Variants in TBCD observed in about 807,000 individuals in gnomAD.
The protein encoded by TBCD is tubulin folding cofactor D.
TBCD carries 105 observed loss-of-function variants against 169.3 expected under a neutral mutation model. The observed-to-expected ratio is 0.62, with a 90% CI of 0.53 to 0.73. The LOEUF is 0.73. Among genes scored for constraint, TBCD ranks in the 30% least tolerant of loss-of-function variants. The pLI, the probability that TBCD is intolerant of heterozygous loss-of-function variation, is 0.00. For synonymous variants in TBCD, 700 were observed against 643.9 expected (o/e 1.09, Z -1.32); for missense variants, 1,444 against 1,600.1 (o/e 0.90, Z 1.66).
At chr17:82,775,514 C>G (rs1185445206) in intron 6 of TBCD, among the ~76,000 whole-genome samples, 1 of 152,066 alleles carries the variant, frequency 6.6e-6, no homozygotes, top group East Asian at 1.9e-4. Context: ...TTTCTGCTCT[C>G]CAGGGAGGAG....
intron 13 of TBCD, among the ~76,000 whole-genome samples, chr17:82,839,481 A>C (rs1330441427): frequency 6.6e-6 from 1 of 151,958 alleles, no homozygotes; most frequent in Non-Finnish European, 1.5e-5. Context: ...TACACCACAC[A>C]TATATATAAC....
At chr17:82,924,856 C>T in intron 26 of TBCD, 83 bp from the exon 27 acceptor site, 1 of 1,146,900 alleles carries the variant, frequency 8.7e-7, no homozygotes, top group African/African-American at 1.5e-5. Flanking sequence ...TGTGGCTTTG[C>T]TCCTGTTTGG....
intron 1 of TBCD, among the ~76,000 whole-genome samples, chr17:82,754,548 C>G (rs1414329973): frequency 6.6e-6 from 1 of 152,230 alleles, no homozygotes; most frequent in African/African-American, 2.4e-5. Context: ...AGGCTCCTCT[C>G]CTCCTCCTAG....
intron 7 of TBCD, among the ~76,000 whole-genome samples, chr17:82,783,048 T>C (rs1377226664): frequency 6.8e-6 from 1 of 147,818 alleles, no homozygotes; most frequent in Non-Finnish European, 1.5e-5. Flanking sequence ...GGTTTTGTCC[T>C]GGCCGTGGCA....
chr17:82,939,920 C>G (rs976723572), intron 37 of TBCD, among the ~76,000 whole-genome samples: 9 of 152,340 alleles, frequency 5.9e-5, no homozygotes, highest in East Asian at 1.9e-4. Context: ...ATGTCCACCC[C>G]CTTCCTCAGG....
intron 21 of TBCD, chr17:82,908,363 C>A (rs139125300): frequency 1.5e-5 from 7 of 456,592 alleles, no homozygotes; most frequent in African/African-American, 1.2e-4. Context: ...GTGCGTCTGT[C>A]GGATTTCTCT....
In TBCD at chr17:82,752,090, G is replaced by T; in HGVS notation, c.-104G>T. The T allele has an allele frequency of 7.8e-7, 1 of 1,276,552 alleles. No homozygotes were observed. Among genetic ancestry groups the T allele is most frequent in the Non-Finnish European group, 1.0e-6 (1 of 983,674 alleles). The allele number at this position is 1,276,552 out of a possible 1,614,324, so 79.1% of individuals were successfully genotyped here. ...GCCAGCGTCGGTTGCCGCCTTAGCG[G>T]GCGCCTCCTTTTCATCCCTCATCCT... On this transcript the variant is annotated 5_prime_UTR_variant, in exon 1 of 39. Transcript: ENST00000355528.
At chr17:82,754,239 G>A (rs892719554) in intron 1 of TBCD, among the ~76,000 whole-genome samples, 1 of 152,118 alleles carries the variant, frequency 6.6e-6, no homozygotes, top group African/African-American at 2.4e-5. Flanking sequence ...GGAAAGGGTG[G>A]GGGTGGCTGA....
At position 82,923,251 on chromosome 17, in the gene TBCD, G is replaced by T. The variant is rs993865810; in HGVS notation, c.2179-401G>T. 1.3e-5 allele frequency among the ~76,000 whole-genome samples: 2 copies of T among 152,226 alleles called. No individual in the cohort carries two copies. Among genetic ancestry groups the T allele is most frequent in the Non-Finnish European group, 2.9e-5 (2 of 68,036 alleles). On this transcript the variant is annotated intron_variant, in intron 25 of 38. Transcript: ENST00000355528. This position sits in a 1 kb window ranked among gnomAD's most constrained non-coding sequence, Gnocchi z 4.6. ...CAGACATTGTGGAAGGAATAATCAGGTTATCCATTCAGTTTCTTAGTTGTA... is the reference window on the plus strand; with the variant it reads ...CAGACATTGTGGAAGGAATAATCAGTTTATCCATTCAGTTTCTTAGTTGTA...
In TBCD at chr17:82,839,076, C is replaced by A. The variant is rs1161881436; in HGVS notation, c.1318+24142C>A. Reference sequence around the variant, plus strand: ...CCTTAACAACCAAACAGAAACTTAACCCCTTTGGTTTGGTTTTGTTTTCGA... The same window carrying A: ...CCTTAACAACCAAACAGAAACTTAAACCCTTTGGTTTGGTTTTGTTTTCGA... On this transcript the variant is annotated intron_variant, in intron 13 of 38. Transcript: ENST00000355528. 5.4e-6 allele frequency: 4 copies of A among 746,978 alleles called. No individual in the cohort carries two copies. In the East Asian group the frequency reaches 5.2e-4, roughly 97 times the overall value. 46.3% of individuals were successfully genotyped at this position (746,978 alleles called of 1,614,324 possible).
At chr17:82,854,638 C>G (rs2056097893) in intron 13 of TBCD, among the ~76,000 whole-genome samples, 1 of 152,186 alleles carries the variant, frequency 6.6e-6, no homozygotes, top group South Asian at 2.1e-4. Flanking sequence ...CAAGCATTCA[C>G]GTTTGCATGT....
intron 34 of TBCD, among the ~76,000 whole-genome samples, chr17:82,936,598 T>C (rs1485973421): frequency 6.6e-6 from 1 of 152,232 alleles, no homozygotes; most frequent in Non-Finnish European, 1.5e-5. Context: ...AGTTTGCCTT[T>C]TCTGGGCACC....
chr17:82,830,520 C>G (rs774568008), intron 13 of TBCD: 2 of 1,614,006 alleles, frequency 1.2e-6, no homozygotes, highest in Admixed American at 3.3e-5. Flanking sequence ...CTGGCTTGGT[C>G]TCAGGGTGGC....
rs543770055 is a variant in TBCD, at chr17:82,927,927, A to G, written c.2632A>G (p.Ser878Gly). 7 of 1,613,502 alleles carry G rather than the reference A, an allele frequency of 4.3e-6. No homozygotes were observed. The Admixed American group carries it at 1.2e-4, about 27-fold the overall frequency. The change falls in exon 30 of 39, where the codon AGT becomes GGT. Residue 878 changes from serine (S) to glycine (G), a missense_variant. Transcript: ENST00000355528. ...CAGGGTCCGCAAGGCCGCCATGACC[A>G]GTCTGATGGATCTGACACTTCTGCT... Reference protein sequence around the residue: ...GTWVRKAAMTSLMDLTLLLAR... With the variant: ...GTWVRKAAMTGLMDLTLLLAR...
chr17:82,871,160 G>T (rs1217034496), intron 14 of TBCD, among the ~76,000 whole-genome samples: 1 of 151,640 alleles, frequency 6.6e-6, no homozygotes, highest in Non-Finnish European at 1.5e-5. Context: ...CGCGCACCCA[G>T]CTGAGCCCCG....
At chr17:82,917,214 T>G (rs2061112331) in intron 23 of TBCD, among the ~76,000 whole-genome samples, 1 of 152,022 alleles carries the variant, frequency 6.6e-6, no homozygotes, top group Non-Finnish European at 1.5e-5. Flanking sequence ...GAGATGGGGT[T>G]TCACCACGTT....
At chr17:82,801,854 C>T (rs1409066480) in intron 9 of TBCD, among the ~76,000 whole-genome samples, 3 of 140,662 alleles carry the variant, frequency 2.1e-5, no homozygotes, top group African/African-American at 8.1e-5. Flanking sequence ...TCGGAGTCAG[C>T]GTGGCAGGAG....
At chr17:82,876,907 T>C in intron 14 of TBCD, 7 of 966,938 alleles carry the variant, frequency 7.2e-6, no homozygotes, top group Non-Finnish European at 8.6e-6. Context: ...CGTCTCCTGC[T>C]GTCAGCCGGT....
chr17:82,780,633 G>A lies in TBCD; in HGVS notation c.639-956G>A, dbSNP rs1179996514. On this transcript the variant is annotated intron_variant, in intron 6 of 38. Transcript: ENST00000355528. ...GCACAAGACTCCATCTCAAAAAAAAGGAAGACTTGGGCTTTTTTTTTTTTT... is the reference window on the plus strand; with the variant it reads ...GCACAAGACTCCATCTCAAAAAAAAAGAAGACTTGGGCTTTTTTTTTTTTT... Among the ~76,000 whole-genome samples the A allele has an allele frequency of 2.1e-5, 3 of 142,098 alleles. 1 individual carries two copies. The highest frequency in any genetic ancestry group is 1.5e-5 in the Non-Finnish European group (1 of 66,148). The allele number at this position is 142,098 out of a possible 152,430, so 93.2% of individuals were successfully genotyped here.
Sources: gnomAD v4.1 joint callset for allele counts (sites outside exome capture counted in the v4.1 genomes callset) on GRCh38, gnomAD v4.1.1 for gene constraint, Gnocchi (gnomAD v3.1) non-coding constraint, MANE v1.5 for transcripts, NCBI Gene and HGNC (gene_info 2026-07-23, HGNC 2026-07-21) for gene names.